The following TIMMDC1 variants were observed in gnomAD, a reference collection of about 807,000 sequenced individuals.
TIMMDC1 encodes translocase of inner mitochondrial membrane domain containing 1.
A neutral mutation model predicts 32.6 loss-of-function variants in TIMMDC1; 25 were observed. The ratio of observed to expected loss-of-function variants is 0.77; its 90% confidence interval spans 0.56 to 1.07. The LOEUF is 1.07. Ranked by LOEUF, TIMMDC1 falls within the 50% of genes least tolerant of loss-of-function variation. The pLI is 0.00. For synonymous variants in TIMMDC1, 130 were observed against 127.6 expected (o/e 1.02, Z -0.13); for missense variants, 329 against 349.2 (o/e 0.94, Z 0.46).
chr3:119,519,622 T>C (rs1384575265), intron 6 of TIMMDC1, among the ~76,000 whole-genome samples: 1 of 152,064 alleles, frequency 6.6e-6, no homozygotes, highest in Non-Finnish European at 1.5e-5. Flanking sequence ...AAACAAATAA[T>C]ATTAGAGCTA....
intron 1 of TIMMDC1, among the ~76,000 whole-genome samples, chr3:119,499,269 T>A (rs555823179): frequency 1.3e-4 from 20 of 151,500 alleles, no homozygotes; most frequent in Admixed American, 7.2e-4. Context: ...AATTTTTTTT[T>A]AATGTATTTT....
At chr3:119,515,989 T>C (rs912329269) in intron 5 of TIMMDC1, among the ~76,000 whole-genome samples, 2 of 152,242 alleles carry the variant, frequency 1.3e-5, no homozygotes, top group African/African-American at 4.8e-5. Context: ...TTAAATAAAA[T>C]CAGCATGTCA....
At position 119,524,006 on chromosome 3, in the gene TIMMDC1, A is replaced by G. The variant is rs12076; in HGVS notation, c.*250A>G. On this transcript the variant is annotated 3_prime_UTR_variant, in exon 7 of 7. Transcript: ENST00000494664. The stretch of plus-strand genomic sequence containing the variant: ...TATTAATCTATCAATATATGCATAC[A>G]TGAATATATCCACCCACCTAGATTT... 1.0e-3 allele frequency: 307 copies of G among 298,380 alleles called. 1 individual carries two copies. Among genetic ancestry groups the G allele is most frequent in the Non-Finnish European group, 1.6e-3 (268 of 162,442 alleles). The allele number at this position is 298,380 out of a possible 1,614,324, so 18.5% of individuals were successfully genotyped here. A position where few individuals can be genotyped will look rare whatever the true frequency, so the allele number is the denominator to read the frequency against.
At chr3:119,516,151 T>G (rs912262592) in intron 5 of TIMMDC1, among the ~76,000 whole-genome samples, 4 of 152,336 alleles carry the variant, frequency 2.6e-5, no homozygotes, top group East Asian at 1.9e-4. Context: ...TTTAAGTGTA[T>G]AGTTCAAAAA....
In TIMMDC1 at chr3:119,499,418, C is replaced by CT. The variant is rs11329774; in HGVS notation, c.194+507dup. On this transcript the variant is annotated intron_variant, in intron 1 of 6. Coordinates refer to ENST00000494664, the MANE Select transcript of TIMMDC1 (RefSeq NM_016589.4). ...CCAGCCCAAACTCGTATTTTTCTTT[C>CT]TTTTTTTTTTTTTTTTCGAGACTGA... 2.1e-3 allele frequency among the ~76,000 whole-genome samples: 243 copies of CT among 115,034 alleles called. 1 individual carries two copies. Among genetic ancestry groups the CT allele is most frequent in the African/African-American group, 2.8e-3 (85 of 30,044 alleles). 75.5% of individuals were successfully genotyped at this position (115,034 alleles called of 152,430 possible).
chr3:119,501,437 A>G (rs1415397840), intron 2 of TIMMDC1, among the ~76,000 whole-genome samples: 1 of 152,312 alleles, frequency 6.6e-6, no homozygotes, highest in East Asian at 1.9e-4. Context: ...CTCCCTCTGT[A>G]TAATATGTAC....
At chr3:119,515,865 AT>A (rs2081982574) in intron 5 of TIMMDC1, among the ~76,000 whole-genome samples, 1 of 152,220 alleles carries the variant, frequency 6.6e-6, no homozygotes, top group African/African-American at 2.4e-5. Flanking sequence ...ATTAGTTGGT[AT>A]TTGTCTGACT....
intron 5 of TIMMDC1, among the ~76,000 whole-genome samples, chr3:119,514,855 G>C (rs940054497): frequency 7.9e-5 from 12 of 152,062 alleles, no homozygotes; most frequent in Non-Finnish European, 1.5e-5. Context: ...AGGCTCTGGG[G>C]AAGAATCTGT....
Position 119,523,707 on chromosome 3 carries a change from T to C in TIMMDC1, c.809T>C (p.Leu270Pro). 1 of 1,613,116 alleles carries C rather than the reference T, an allele frequency of 6.2e-7. No individual in the cohort carries two copies. The highest frequency in any genetic ancestry group is 8.5e-7 in the Non-Finnish European group (1 of 1,179,604). Reference protein sequence around the residue: ...ENDAKKIEALLNLPRNPSVID... With the variant: ...ENDAKKIEALPNLPRNPSVID... ...GATGCTAAGAAAATTGAAGCACTGC[T>C]AAACCTTCCTAGAAACCCTTCAGTA... is the stretch of plus-strand genomic sequence containing the variant. Residue 270 changes from leucine (L) to proline (P), a missense_variant, in exon 7 of 7, where the codon CTA (leucine) becomes CCA (proline). Coordinates refer to ENST00000494664, the MANE Select transcript of TIMMDC1 (RefSeq NM_016589.4).
At chr3:119,510,732 C>G (rs1254276046) in intron 4 of TIMMDC1, among the ~76,000 whole-genome samples, 1 of 152,066 alleles carries the variant, frequency 6.6e-6, no homozygotes, top group Non-Finnish European at 1.5e-5. Context: ...TAACTATATT[C>G]AGTACAACAA....
At chr3:119,503,452 TA>T in intron 2 of TIMMDC1, 79 bp from the exon 3 acceptor site, 1 of 1,075,784 alleles carries the variant, frequency 9.3e-7, no homozygotes, top group South Asian at 1.7e-5. Context: ...AATCCATAGC[TA>T]AAATTCCTCT....
chr3:119,503,446 C>T lies in TIMMDC1; in HGVS notation c.361-86C>T, dbSNP rs1339859983. Reference sequence around the variant, plus strand: ...TCTGTTTGGGTGTACCTGACTAATCCATAGCTAAAATTCCTCTACCGCAGT... The same window carrying T: ...TCTGTTTGGGTGTACCTGACTAATCTATAGCTAAAATTCCTCTACCGCAGT... On this transcript the variant is annotated intron_variant, in intron 2 of 6. Transcript: ENST00000494664. 2.1e-5 allele frequency: 20 copies of T among 944,132 alleles called. No homozygotes were observed. In the East Asian group the frequency reaches 5.2e-4, roughly 24 times the overall value. The allele number at this position is 944,132 out of a possible 1,614,324, so 58.5% of individuals were successfully genotyped here. A position where few individuals can be genotyped will look rare whatever the true frequency, so the allele number is the denominator to read the frequency against.
At chr3:119,508,281 A>G (rs2081930838) in intron 4 of TIMMDC1, among the ~76,000 whole-genome samples, 1 of 152,122 alleles carries the variant, frequency 6.6e-6, no homozygotes, top group Non-Finnish European at 1.5e-5. Context: ...TATCATTTAT[A>G]GTCAAGGTTT....
intron 1 of TIMMDC1, among the ~76,000 whole-genome samples, chr3:119,499,631 G>A (rs546485217): frequency 1.3e-5 from 2 of 151,802 alleles, no homozygotes; most frequent in African/African-American, 4.8e-5. Flanking sequence ...CGCCAGGCTG[G>A]TCTGGAACTC....
intron 6 of TIMMDC1, among the ~76,000 whole-genome samples, chr3:119,520,122 G>A (rs1338951875): frequency 1.3e-5 from 2 of 151,994 alleles, no homozygotes; most frequent in Non-Finnish European, 2.9e-5. Flanking sequence ...CACTAACAGG[G>A]AAGTTTATAG....
chr3:119,512,042 G>A (rs2081956134), intron 4 of TIMMDC1, among the ~76,000 whole-genome samples: 1 of 152,146 alleles, frequency 6.6e-6, no homozygotes. Flanking sequence ...TTTCATTTCT[G>A]TGAGTTTGTC....
chr3:119,503,765 CTG>C (rs911546577), intron 3 of TIMMDC1, 145 bp downstream of exon 3: 2 of 798,188 alleles, frequency 2.5e-6, no homozygotes, highest in Non-Finnish European at 3.9e-6. Context: ...GAACTTTTCT[CTG>C]TGTAAAAGAC....
At chr3:119,516,537 T>C (rs1462558799) in intron 5 of TIMMDC1, among the ~76,000 whole-genome samples, 2 of 152,230 alleles carry the variant, frequency 1.3e-5, no homozygotes, top group South Asian at 2.1e-4. Flanking sequence ...AAAATAGTTA[T>C]TAGTATGAGG....
At chr3:119,517,161 T>G (rs370491635) in intron 5 of TIMMDC1, 44 bp from the exon 6 acceptor site, 1 of 1,282,872 alleles carries the variant, frequency 7.8e-7, no homozygotes, top group African/African-American at 1.5e-5. Flanking sequence ...TTGCAAGGTC[T>G]AATGACTCGT....
Sources: allele counts gnomAD v4.1 joint callset (sites outside exome capture counted in the v4.1 genomes callset), GRCh38; gene constraint gnomAD v4.1.1; transcripts MANE v1.5; gene names NCBI Gene and HGNC (gene_info 2026-07-23, HGNC 2026-07-21).